HACD1: variants seen among roughly 807,000 people sequenced by gnomAD.
HACD1 encodes the protein 3-hydroxyacyl-CoA dehydratase 1, also known as very-long-chain (3R)-3-hydroxyacyl-CoA dehydratase 1.
A neutral mutation model predicts 32.0 loss-of-function variants in HACD1; 41 were observed. That is an observed-to-expected ratio of 1.28 (90% CI 1.00 to 1.66). The LOEUF (loss-of-function observed/expected upper bound fraction) is 1.66, where lower values mean the gene tolerates loss of function less well. Among genes scored for constraint, HACD1 ranks in the 40% most tolerant of loss-of-function variants. HACD1 has a pLI of 0.00. For synonymous variants in HACD1, 142 were observed against 139.0 expected (o/e 1.02, Z -0.15); for missense variants, 396 against 380.1 (o/e 1.04, Z -0.35).
At position 17,594,706 on chromosome 10, in the gene HACD1, C is replaced by T. The variant is rs369179787; in HGVS notation, c.606-323G>A. 3.3e-5 allele frequency among the ~76,000 whole-genome samples: 5 copies of T among 152,214 alleles called. No individual in the cohort carries two copies. In the East Asian group the frequency reaches 9.7e-4, roughly 29 times the overall value. ...TTTTTGTTTTGAGATGGAGTTCGCT[C>T]TTGTCACCAGGCTGGAGTGCAGCGG... On this transcript the variant is annotated intron_variant, in intron 5 of 6. Transcript: ENST00000361271.
In HACD1 at chr10:17,617,166, G is replaced by A; in HGVS notation, c.174C>T (p.Asp58=). The change falls in exon 1 of 7, where the codon GAC becomes GAT. Residue 58 remains aspartate, a synonymous_variant. Coordinates refer to ENST00000361271, the MANE Select transcript of HACD1 (RefSeq NM_014241.4). The part of the protein sequence containing the change: ...TNGGASEAGE[D]REAPGERRRL... ...GCCTCCGCTCGCCGGGAGCCTCCCG[G>A]TCCTCGCCGGCCTCCGAGGCGCCGC... 1.3e-6 allele frequency: 2 copies of A among 1,505,684 alleles called. No individual in the cohort carries two copies. Among genetic ancestry groups the A allele is most frequent in the Non-Finnish European group, 1.8e-6 (2 of 1,131,264 alleles). The allele number at this position is 1,505,684 out of a possible 1,614,324, so 93.3% of individuals were successfully genotyped here. A position where few individuals can be genotyped will look rare whatever the true frequency, so the allele number is the denominator to read the frequency against.
At chr10:17,602,268 C>T (rs1588988345) in intron 4 of HACD1, among the ~76,000 whole-genome samples, 1 of 152,052 alleles carries the variant, frequency 6.6e-6, no homozygotes, top group African/African-American at 2.4e-5. Context: ...TGAGGTTTCA[C>T]CACGTTAGCC....
At chr10:17,602,140 G>T in intron 4 of HACD1, among the ~76,000 whole-genome samples, 1 of 150,542 alleles carries the variant, frequency 6.6e-6, no homozygotes, top group East Asian at 2.0e-4. Context: ...TGCGATCTCA[G>T]CTCACTGCAC....
chr10:17,608,609 C>T (rs1554817235), intron 1 of HACD1, among the ~76,000 whole-genome samples: 1 of 151,964 alleles, frequency 6.6e-6, no homozygotes, highest in Non-Finnish European at 1.5e-5. Flanking sequence ...GCCTTAGCCT[C>T]CCAAGTGGCT....
intron 1 of HACD1, among the ~76,000 whole-genome samples, chr10:17,613,221 C>T (rs1252857077): frequency 6.6e-6 from 1 of 150,750 alleles, no homozygotes; most frequent in Non-Finnish European, 1.5e-5. Context: ...AATCCTCCTG[C>T]CTCAGTCTCC....
chr10:17,600,053 T>G (rs567231255), intron 4 of HACD1, among the ~76,000 whole-genome samples: 11 of 152,334 alleles, frequency 7.2e-5, no homozygotes, highest in African/African-American at 2.6e-4. Context: ...TTGCAATCCT[T>G]GCTCGGAAAT....
intron 4 of HACD1, among the ~76,000 whole-genome samples, chr10:17,601,331 C>A (rs199969248): frequency 1.3e-5 from 2 of 152,238 alleles, no homozygotes; most frequent in East Asian, 3.9e-4. Flanking sequence ...ACCCCACCCG[C>A]CCACCTTATT....
At chr10:17,602,150 C>A (rs1381810344) in intron 4 of HACD1, among the ~76,000 whole-genome samples, 2 of 151,100 alleles carry the variant, frequency 1.3e-5, no homozygotes, top group Non-Finnish European at 2.9e-5. Context: ...GCTCACTGCA[C>A]CCTCCACCTC....
intron 4 of HACD1, among the ~76,000 whole-genome samples, chr10:17,599,889 C>T (rs541304362): frequency 2.0e-5 from 3 of 152,286 alleles, no homozygotes; most frequent in African/African-American, 7.2e-5. Context: ...CTCATGAATG[C>T]AAGTTGTCTT....
At chr10:17,614,268 A>T (rs1436481789) in intron 1 of HACD1, among the ~76,000 whole-genome samples, 1 of 152,166 alleles carries the variant, frequency 6.6e-6, no homozygotes, top group Non-Finnish European at 1.5e-5. Flanking sequence ...GTCTTTACAG[A>T]AATTATTATT....
intron 1 of HACD1, among the ~76,000 whole-genome samples, chr10:17,613,620 T>C (rs538777517): frequency 1.3e-3 from 191 of 152,356 alleles, no homozygotes; most frequent in African/African-American, 4.3e-3. Context: ...ACAGAGATTA[T>C]TCCATTTCAA....
chr10:17,613,117 TG>T (rs1554817696), intron 1 of HACD1, among the ~76,000 whole-genome samples: 27 of 134,288 alleles, frequency 2.0e-4, no homozygotes, highest in African/African-American at 7.2e-4. Context: ...TGTGTGTGTG[TG>T]TGTGTGTGTG....
At chr10:17,611,360 T>C (rs1480494510) in intron 1 of HACD1, among the ~76,000 whole-genome samples, 2 of 152,212 alleles carry the variant, frequency 1.3e-5, no homozygotes, top group Non-Finnish European at 2.9e-5. Context: ...CTCTAACTCA[T>C]GCTGTTTCCC....
intron 1 of HACD1, among the ~76,000 whole-genome samples, chr10:17,608,701 G>T (rs1834183573): frequency 6.6e-6 from 1 of 151,090 alleles, no homozygotes; most frequent in South Asian, 2.1e-4. Context: ...TGGCCAGGCT[G>T]GTCTCGAACT....
rs986968778 is a variant in HACD1, at chr10:17,589,863, T to C, written c.*501A>G. ...TCAAAAGTCTTACTTTAGCAAATTATATCCACGCTTCCAAACACTGTTATT... is the reference window on the plus strand; with the variant it reads ...TCAAAAGTCTTACTTTAGCAAATTACATCCACGCTTCCAAACACTGTTATT... On this transcript the variant is annotated 3_prime_UTR_variant, in exon 7 of 7. Coordinates refer to ENST00000361271, the MANE Select transcript of HACD1 (RefSeq NM_014241.4). 5 of 152,300 alleles carry C rather than the reference T, an allele frequency of 3.3e-5. No individual in the cohort carries two copies. The highest frequency in any genetic ancestry group is 9.6e-5 in the African/African-American group (4 of 41,562). The allele number at this position is 152,300 out of a possible 1,614,324, so 9.4% of individuals were successfully genotyped here.
chr10:17,603,701 G>T (rs76819191), intron 3 of HACD1, 25 bp downstream of exon 3: 1 of 1,603,324 alleles, frequency 6.2e-7, no homozygotes, highest in East Asian at 2.2e-5. Context: ...TATAATAAAA[G>T]TATAAAATTG....
intron 5 of HACD1, among the ~76,000 whole-genome samples, chr10:17,595,274 G>A (rs1259294636): frequency 6.6e-6 from 1 of 152,166 alleles, no homozygotes; most frequent in East Asian, 1.9e-4. Flanking sequence ...CGTTTAAAAA[G>A]ACCAGTGATT....
At chr10:17,615,833 G>A (rs907443690) in intron 1 of HACD1, 14 of 432,488 alleles carry the variant, frequency 3.2e-5, no homozygotes, top group Middle Eastern at 7.1e-4. Flanking sequence ...GGGGCGTGGT[G>A]GCCCACGCTT....
chr10:17,611,051 A>C (rs1554817448), intron 1 of HACD1, among the ~76,000 whole-genome samples: 3 of 131,810 alleles, frequency 2.3e-5, no homozygotes. Flanking sequence ...CCCAGGCTGG[A>C]GTGCAGTGGC....
Sources: allele counts gnomAD v4.1 joint callset (sites outside exome capture counted in the v4.1 genomes callset), GRCh38; gene constraint gnomAD v4.1.1; transcripts MANE v1.5; gene names NCBI Gene and HGNC (gene_info 2026-07-23, HGNC 2026-07-21).